The following TTC29 variants were observed in gnomAD, a reference collection of about 807,000 sequenced individuals.
The protein encoded by TTC29 is tetratricopeptide repeat domain 29.
TTC29 carries 49 observed loss-of-function variants against 58.1 expected under a neutral mutation model. The ratio of observed to expected loss-of-function variants is 0.84; its 90% CI spans 0.67 to 1.07. TTC29 has a LOEUF of 1.07. Ranked by LOEUF, TTC29 falls within the 50% of genes least tolerant of loss-of-function variation. TTC29 has a pLI of 0.00. For missense variants in TTC29, 582 were observed against 555.6 expected, an observed-to-expected ratio of 1.05 and a Z score of -0.48; for synonymous variants, 209 against 196.8, an observed-to-expected ratio of 1.06 and a Z score of -0.52.
intron 11 of TTC29, among the ~76,000 whole-genome samples, chr4:146,722,314 CA>C (rs1165768867): frequency 1.3e-5 from 2 of 152,088 alleles, no homozygotes; most frequent in Non-Finnish European, 2.9e-5. Flanking sequence ...GGATAAAAAA[CA>C]ATTCTAAAAA....
chr4:146,801,084 C>A (rs998704204), intron 11 of TTC29, among the ~76,000 whole-genome samples: 1 of 151,896 alleles, frequency 6.6e-6, no homozygotes, highest in African/African-American at 2.4e-5. Flanking sequence ...ATGCTGAGGG[C>A]AGGGGGAGTG....
chr4:146,757,984 C>A (rs1167702843), intron 11 of TTC29, among the ~76,000 whole-genome samples: 1 of 151,692 alleles, frequency 6.6e-6, no homozygotes, highest in East Asian at 1.9e-4. Context: ...GCAACAGTAC[C>A]TCACATCTCA....
At chr4:146,802,928 T>C (rs1199461290) in intron 11 of TTC29, among the ~76,000 whole-genome samples, 1 of 152,222 alleles carries the variant, frequency 6.6e-6, no homozygotes, top group Non-Finnish European at 1.5e-5. Context: ...TAATTTACTA[T>C]TTTGAATAGA....
intron 11 of TTC29, among the ~76,000 whole-genome samples, chr4:146,799,302 A>C (rs1750045908): frequency 6.6e-6 from 1 of 152,200 alleles, no homozygotes; most frequent in Admixed American, 6.5e-5. Flanking sequence ...CCTCCTCCTC[A>C]TTATTAAAGT....
At chr4:146,853,105 T>G (rs1038793150) in intron 8 of TTC29, among the ~76,000 whole-genome samples, 2 of 152,138 alleles carry the variant, frequency 1.3e-5, no homozygotes, top group African/African-American at 2.4e-5. Flanking sequence ...CCTTTAAATT[T>G]TAATGGAATG....
intron 8 of TTC29, among the ~76,000 whole-genome samples, chr4:146,849,765 C>A (rs187109933): frequency 6.6e-6 from 1 of 152,158 alleles, no homozygotes; most frequent in Non-Finnish European, 1.5e-5. Flanking sequence ...TTTTCTCCAG[C>A]CTTACTGGCT....
At chr4:146,860,763 C>A (rs1246959553) in intron 8 of TTC29, among the ~76,000 whole-genome samples, 2 of 152,148 alleles carry the variant, frequency 1.3e-5, no homozygotes, top group African/African-American at 4.8e-5. Context: ...GGAAGTAAAA[C>A]CTCAGATGAG....
chr4:146,758,081 T>A (rs992257971), intron 11 of TTC29, among the ~76,000 whole-genome samples: 1 of 152,098 alleles, frequency 6.6e-6, no homozygotes, highest in African/African-American at 2.4e-5. Flanking sequence ...AACCAACTAT[T>A]TGCTGCCTTC....
chr4:146,805,674 GA>G (rs1000145417), intron 10 of TTC29, among the ~76,000 whole-genome samples: 20 of 151,896 alleles, frequency 1.3e-4, no homozygotes, highest in African/African-American at 4.8e-4. Flanking sequence ...AAAGTGTGAA[GA>G]CAAGATTAGA....
At chr4:146,941,125 T>C (rs1329534958) in intron 2 of TTC29, among the ~76,000 whole-genome samples, 4 of 152,178 alleles carry the variant, frequency 2.6e-5, no homozygotes, top group Non-Finnish European at 4.4e-5. Flanking sequence ...GAAAAATTGT[T>C]ACATGGTGCA....
intron 11 of TTC29, among the ~76,000 whole-genome samples, chr4:146,776,664 C>A (rs545886928): frequency 8.5e-4 from 129 of 152,248 alleles, no homozygotes; most frequent in African/African-American, 3.1e-3. Flanking sequence ...GCTCCTGGTC[C>A]GCTGGCCACA....
chr4:146,728,323 T>G (rs913205709), intron 11 of TTC29, among the ~76,000 whole-genome samples: 4 of 151,320 alleles, frequency 2.6e-5, no homozygotes, highest in Admixed American at 2.0e-4. Flanking sequence ...CACGCAGCAA[T>G]GTACCATAAT....
chr4:146,779,150 T>G (rs1579652869), intron 11 of TTC29, among the ~76,000 whole-genome samples: 1 of 151,998 alleles, frequency 6.6e-6, no homozygotes, highest in Non-Finnish European at 1.5e-5. Context: ...TTTATAGCTA[T>G]AAGAATAAAT....
intron 11 of TTC29, among the ~76,000 whole-genome samples, chr4:146,734,723 T>C (rs528315716): frequency 6.6e-6 from 1 of 152,046 alleles, no homozygotes; most frequent in Non-Finnish European, 1.5e-5. Flanking sequence ...TCTATGTTGA[T>C]GATTGCTGTG....
rs185348880 is a variant in TTC29 at position 146,884,350 on chromosome 4, G to A, written c.587-9422C>T. On this transcript the variant is annotated intron_variant, in intron 6 of 12. Transcript: ENST00000325106. ...CTTGGAATTTACTCTGAAAAATGAA[G>A]TGTGCATATAGTGGCAGTGGGAAGT... Among the ~76,000 whole-genome samples the A allele has an allele frequency of 2.3e-4, 35 of 152,182 alleles. No homozygotes were observed. In the East Asian group the frequency reaches 5.6e-3, roughly 24 times the overall value.
At chr4:146,847,952 G>A (rs926955967) in intron 8 of TTC29, among the ~76,000 whole-genome samples, 10 of 152,192 alleles carry the variant, frequency 6.6e-5, no homozygotes, top group African/African-American at 1.2e-4. Context: ...GAACTTCACA[G>A]GTACTGCGTT....
rs548286788 is a variant in TTC29, at chr4:146,910,892, C to T, written c.177-1643G>A. On this transcript the variant is annotated intron_variant, in intron 4 of 12. Coordinates refer to ENST00000325106, the MANE Select transcript of TTC29 (RefSeq NM_031956.4). ...CTTATTCCTGTCCTCCAATTGCGATCGATAGAGGAGAAAAGTATGGAGAAA... is the reference window on the plus strand; with the variant it reads ...CTTATTCCTGTCCTCCAATTGCGATTGATAGAGGAGAAAAGTATGGAGAAA... 4.6e-5 allele frequency among the ~76,000 whole-genome samples: 7 copies of T among 152,174 alleles called. No individual in the cohort carries two copies. The South Asian group carries it at 1.5e-3, about 32-fold the overall frequency.
intron 4 of TTC29, among the ~76,000 whole-genome samples, chr4:146,922,019 A>G (rs927847696): frequency 6.7e-6 from 1 of 149,432 alleles, no homozygotes; most frequent in African/African-American, 2.4e-5. Context: ...CTACAAAAAA[A>G]AAAAAAAAAA....
At chr4:146,718,295 C>A (rs992540761) in intron 11 of TTC29, among the ~76,000 whole-genome samples, 2 of 152,134 alleles carry the variant, frequency 1.3e-5, no homozygotes, top group Admixed American at 6.6e-5. Context: ...AAACTCCATA[C>A]AGATTTCTGT....
Sources: gnomAD v4.1 joint callset for allele counts (sites outside exome capture counted in the v4.1 genomes callset) on GRCh38, gnomAD v4.1.1 for gene constraint, MANE v1.5 for transcripts, NCBI Gene and HGNC (gene_info 2026-07-23, HGNC 2026-07-21) for gene names.